FANCM: variants seen among roughly 807,000 people sequenced by gnomAD.
The protein encoded by FANCM is Fanconi anemia group M protein.
In FANCM, 140 loss-of-function variants were observed where a neutral mutation model predicts 199.5. The observed-to-expected ratio is 0.70, with a 90% CI of 0.61 to 0.81. The LOEUF is 0.81. Ranked by LOEUF, FANCM falls within the 30% of genes least tolerant of loss-of-function variation. The probability of loss-of-function intolerance (pLI) is 0.00; values close to 1 mark genes in which losing one functional copy is unlikely to be tolerated. For missense variants in FANCM, 2,410 were observed against 2,421.4 expected (o/e 1.00, Z 0.10); for synonymous variants, 840 against 836.8 (o/e 1.00, Z -0.07).
At chr14:45,148,404 A>G (rs1566731701) in intron 3 of FANCM, among the ~76,000 whole-genome samples, 1 of 152,176 alleles carries the variant, frequency 6.6e-6, no homozygotes, top group Non-Finnish European at 1.5e-5. Context: ...AGCTTTGGGT[A>G]CATGAAATTT....
intron 4 of FANCM, among the ~76,000 whole-genome samples, chr14:45,149,732 A>G (rs1027538123): frequency 3.3e-5 from 5 of 152,274 alleles, no homozygotes; most frequent in Middle Eastern, 3.4e-3. Flanking sequence ...TTTATGCAGC[A>G]GTGCTTTTCA....
Position 45,200,163 on chromosome 14 carries a change from TAAAA to T in FANCM, c.*158_*161del, listed in dbSNP as rs935466113. 2 of 254,394 alleles carry T rather than the reference TAAAA, an allele frequency of 7.9e-6. No homozygotes were observed. The highest frequency in any genetic ancestry group is 2.3e-5 in the African/African-American group (1 of 42,690). 15.8% of individuals were successfully genotyped at this position (254,394 alleles called of 1,614,324 possible). A position where few individuals can be genotyped will look rare whatever the true frequency, so the allele number is the denominator to read the frequency against. On this transcript the variant is annotated 3_prime_UTR_variant, in exon 23 of 23. Coordinates refer to ENST00000267430, the MANE Select transcript of FANCM (RefSeq NM_020937.4). The stretch of plus-strand genomic sequence containing the variant: ...TTTATTTATAGATTATAGAAATTAT[TAAAA>T]AAGAAAAATCTGATGTTCAGTGATC...
intron 14 of FANCM, among the ~76,000 whole-genome samples, chr14:45,178,256 G>C (rs547196565): frequency 6.6e-6 from 1 of 152,168 alleles, no homozygotes; most frequent in Non-Finnish European, 1.5e-5. Flanking sequence ...TATAGTCTGG[G>C]GTTGTGCCAT....
chr14:45,138,626 A>G (rs1885695447), intron 2 of FANCM, among the ~76,000 whole-genome samples: 1 of 152,204 alleles, frequency 6.6e-6, no homozygotes, highest in Admixed American at 6.5e-5. Context: ...GAAATAATAA[A>G]ACACTTAAAA....
intron 3 of FANCM, among the ~76,000 whole-genome samples, chr14:45,148,456 G>T (rs369451034): frequency 6.6e-6 from 1 of 151,960 alleles, no homozygotes; most frequent in East Asian, 1.9e-4. Flanking sequence ...TGATTTAAAT[G>T]GAAAATATTC....
intron 4 of FANCM, among the ~76,000 whole-genome samples, chr14:45,150,330 T>C (rs918595435): frequency 6.6e-6 from 1 of 152,210 alleles, no homozygotes; most frequent in African/African-American, 2.4e-5. Flanking sequence ...TTTATAACAA[T>C]GTAAATATGA....
At position 45,154,814 on chromosome 14, in the gene FANCM, T is replaced by C. The variant is rs763653491; in HGVS notation, c.1301T>C (p.Ile434Thr). 2.7e-5 allele frequency: 43 copies of C among 1,607,812 alleles called. No homozygotes were observed. The Admixed American group carries it at 7.2e-4, about 27-fold the overall frequency. The change falls in exon 7 of 23, where the codon ATC (isoleucine) becomes ACC (threonine). Residue 434 changes from isoleucine (I) to threonine (T), a missense_variant. Coordinates refer to ENST00000267430, the MANE Select transcript of FANCM (RefSeq NM_020937.4). ...ACTTCAGCAAATGGTATTTCTGCTA[T>C]CCAACAAGGTCTGGTTTTTCTTTTA... ...RSTSANGISA[I>T]QQGDKNKKFV...
chr14:45,171,526 C>A (rs1017554478), intron 12 of FANCM, among the ~76,000 whole-genome samples: 1 of 152,004 alleles, frequency 6.6e-6, no homozygotes, highest in African/African-American at 2.4e-5. Flanking sequence ...TATTCTTAGG[C>A]CTTTGTGTCC....
Position 45,167,272 on chromosome 14 carries a change from A to C in FANCM, c.2002+109A>C, listed in dbSNP as rs1230696299. ...GAAAAACTGAATATATGTTCTAATT[A>C]ATATATTATAGGCATTCTCTTTGGA... is the stretch of plus-strand genomic sequence containing the variant. On this transcript the variant is annotated intron_variant, in intron 11 of 22. Transcript: ENST00000267430. 1.1e-5 allele frequency: 8 copies of C among 727,928 alleles called. No homozygotes were observed. The African/African-American group carries it at 1.2e-4, about 11-fold the overall frequency. 45.1% of individuals were successfully genotyped at this position (727,928 alleles called of 1,614,324 possible). A position where few individuals can be genotyped will look rare whatever the true frequency, so the allele number is the denominator to read the frequency against.
At chr14:45,199,565 C>G (rs1004116393) in intron 22 of FANCM, among the ~76,000 whole-genome samples, 3 of 152,178 alleles carry the variant, frequency 2.0e-5, no homozygotes, top group African/African-American at 7.2e-5. Flanking sequence ...CCTTTATCAA[C>G]TAATTCTCAA....
chr14:45,147,983 G>A (rs1036492678), intron 3 of FANCM, among the ~76,000 whole-genome samples: 1 of 151,898 alleles, frequency 6.6e-6, no homozygotes, highest in Non-Finnish European at 1.5e-5. Flanking sequence ...GAATCATGAG[G>A]TCAGGAGTTC....
chr14:45,196,358 T>C lies in FANCM; in HGVS notation c.5527T>C (p.Leu1843=), dbSNP rs1890056449. The change falls in exon 21 of 23, where the codon TTG becomes CTG. Residue 1843 remains leucine (L), a synonymous_variant. Transcript: ENST00000267430. ...VISSLRAIHG[L]QVEVCPLNGC... is the part of the protein sequence containing the mutation. ...TTCTTCCCTAAGAGCAATTCATGGG[T>C]TGCAAGTAGAAGTTTGTCCTCTTAA... 1.2e-6 allele frequency: 2 copies of C among 1,614,038 alleles called. No individual in the cohort carries two copies. Among genetic ancestry groups the C allele is most frequent in the South Asian group, 1.1e-5 (1 of 91,080 alleles).
Position 45,176,187 on chromosome 14 carries a change from G to A in FANCM, c.3433G>A (p.Asp1145Asn), listed in dbSNP as rs753249049. The A allele has an allele frequency of 1.2e-5, 19 of 1,613,932 alleles. No individual in the cohort carries two copies. The highest frequency in any genetic ancestry group is 6.7e-5 in the East Asian group (3 of 44,876). ...LLFEDVNTEFDDVSLSPLNSK... is the reference protein window; with the variant it reads ...LLFEDVNTEFNDVSLSPLNSK... ...ATTTGAAGATGTTAATACAGAGTTC[G>A]ACGATGTGAGTCTTTCACCCTTGAA... The change falls in exon 14 of 23, where the codon GAC becomes AAC. Residue 1145 changes from aspartate to asparagine, a missense_variant. Physicochemically the swap from Asp to Asn is conservative, Grantham distance 23. Transcript: ENST00000267430.
intron 3 of FANCM, among the ~76,000 whole-genome samples, chr14:45,142,393 A>G (rs973967698): frequency 1.5e-4 from 21 of 142,600 alleles, no homozygotes; most frequent in African/African-American, 5.3e-4. Flanking sequence ...TGCAACCTCC[A>G]CCTCCCAGGT....
intron 5 of FANCM, among the ~76,000 whole-genome samples, chr14:45,152,071 C>A (rs746467862): frequency 1.4e-4 from 21 of 150,728 alleles, no homozygotes; most frequent in Non-Finnish European, 2.7e-4. Context: ...CTCTATTGCC[C>A]AAGCCGGTGT....
At chr14:45,187,545 G>C (rs577893744) in intron 18 of FANCM, among the ~76,000 whole-genome samples, 4 of 152,186 alleles carry the variant, frequency 2.6e-5, no homozygotes, top group African/African-American at 9.6e-5. Context: ...AGATAAAGCA[G>C]GGAACTTAAG....
rs1460371985 is a variant in FANCM, at chr14:45,200,820, T to C, written c.*812T>C. 2 of 152,222 alleles carry C rather than the reference T, an allele frequency of 1.3e-5. No individual in the cohort carries two copies. The highest frequency in any genetic ancestry group is 2.9e-5 in the Non-Finnish European group (2 of 68,044). 9.4% of individuals were successfully genotyped at this position (152,222 alleles called of 1,614,324 possible). A position where few individuals can be genotyped will look rare whatever the true frequency, so the allele number is the denominator to read the frequency against. ...AACGTTTGCTTCCCCTCCACCATGATTGTAAGTTCCCGAGGCCTCCCCAGC... is the reference window on the plus strand; with the variant it reads ...AACGTTTGCTTCCCCTCCACCATGACTGTAAGTTCCCGAGGCCTCCCCAGC... On this transcript the variant is annotated 3_prime_UTR_variant, in exon 23 of 23. Transcript: ENST00000267430.
intron 4 of FANCM, among the ~76,000 whole-genome samples, chr14:45,150,456 C>G (rs1886734371): frequency 1.3e-5 from 2 of 152,100 alleles, no homozygotes; most frequent in African/African-American, 4.8e-5. Flanking sequence ...ATTAAACTAG[C>G]CATAATTTAG....
At chr14:45,144,735 A>G (rs1886242028) in intron 3 of FANCM, among the ~76,000 whole-genome samples, 1 of 152,080 alleles carries the variant, frequency 6.6e-6, no homozygotes, top group South Asian at 2.1e-4. Context: ...CCCTTCAGAG[A>G]AGTGGGTTCC....
Sources: gnomAD v4.1 joint callset for allele counts (sites outside exome capture counted in the v4.1 genomes callset) on GRCh38, gnomAD v4.1.1 for gene constraint, MANE v1.5 for transcripts, NCBI Gene and HGNC (gene_info 2026-07-23, HGNC 2026-07-21) for gene names.